Variants in CDC16 observed in about 807,000 individuals in gnomAD.
CDC16 encodes the protein cell division cycle protein 16 homolog.
A neutral mutation model predicts 87.0 loss-of-function variants in CDC16; 34 were observed. The ratio of observed to expected loss-of-function variants is 0.39; its 90% confidence interval spans 0.30 to 0.52. The LOEUF is 0.52. Among genes scored for constraint, CDC16 ranks in the 20% least tolerant of loss-of-function variants. The pLI is 0.74. For missense variants in CDC16, 653 were observed against 751.9 expected, an observed-to-expected ratio of 0.87 and a Z score of 1.54; for synonymous variants, 263 against 260.6, an observed-to-expected ratio of 1.01 and a Z score of -0.09.
At chr13:114,268,644 TAAAG>T (rs1206750181) in intron 17 of CDC16, among the ~76,000 whole-genome samples, 1 of 152,006 alleles carries the variant, frequency 6.6e-6, no homozygotes, top group Non-Finnish European at 1.5e-5. Flanking sequence ...AAGAAGCAAA[TAAAG>T]GCCCTCAGGG....
At chr13:114,266,763 T>G (rs1170907091) in intron 17 of CDC16, among the ~76,000 whole-genome samples, 2 of 152,032 alleles carry the variant, frequency 1.3e-5, no homozygotes, top group Non-Finnish European at 2.9e-5. Flanking sequence ...GCAGGATCTC[T>G]GCTCACTGCA....
intron 3 of CDC16, among the ~76,000 whole-genome samples, chr13:114,237,987 TC>T (rs2081339213): frequency 6.6e-6 from 1 of 152,216 alleles, no homozygotes; most frequent in Non-Finnish European, 1.5e-5. Flanking sequence ...CCTTGTTTTC[TC>T]TCCACTCTGC....
chr13:114,264,941 T>G (rs1311893117), intron 16 of CDC16: 1 of 469,780 alleles, frequency 2.1e-6, no homozygotes, highest in Non-Finnish European at 3.9e-6. Context: ...TTTTTTGGGG[T>G]AGATTTCCAG....
intron 12 of CDC16, among the ~76,000 whole-genome samples, chr13:114,255,012 C>G (rs962724860): frequency 1.3e-5 from 2 of 152,208 alleles, no homozygotes; most frequent in Non-Finnish European, 2.9e-5. Flanking sequence ...ATAACTCTTT[C>G]AACCAATCAG....
At chr13:114,236,542 A>G (rs2081258716) in intron 1 of CDC16, 103 bp from the exon 2 acceptor site, 1 of 932,866 alleles carries the variant, frequency 1.1e-6, no homozygotes, top group Non-Finnish European at 1.4e-6. Flanking sequence ...ATTACATAGA[A>G]TTATATTAAT....
At chr13:114,255,413 A>G (rs926812530) in intron 12 of CDC16, among the ~76,000 whole-genome samples, 1 of 152,068 alleles carries the variant, frequency 6.6e-6, no homozygotes, top group Non-Finnish European at 1.5e-5. Context: ...TAAACCTTAC[A>G]TTTCTGTATA....
At position 114,244,980 on chromosome 13, in the gene CDC16, T is replaced by C; in HGVS notation, c.847+11T>C. The C allele has an allele frequency of 6.7e-7, 1 of 1,489,328 alleles. No individual in the cohort carries two copies. The highest frequency in any genetic ancestry group is 9.2e-7 in the Non-Finnish European group (1 of 1,081,812). The allele number at this position is 1,489,328 out of a possible 1,614,324, so 92.3% of individuals were successfully genotyped here. On this transcript the variant is annotated intron_variant, in intron 9 of 17. Coordinates refer to ENST00000356221, the MANE Select transcript of CDC16 (RefSeq NM_001078645.3). ...TGAATAAAGCCAATGGTAAGACTTT[T>C]TTTTAAATTAAAGTAATTCTTAGAC...
intron 4 of CDC16, 22 bp from the exon 5 acceptor site, chr13:114,239,328 G>A (rs373719968): frequency 1.3e-5 from 21 of 1,579,208 alleles, no homozygotes; most frequent in African/African-American, 5.4e-5. Flanking sequence ...AGTGATGAGC[G>A]GCACTTCTGT....
At chr13:114,239,270 T>C in intron 4 of CDC16, 80 bp from the exon 5 acceptor site, 4 of 1,531,582 alleles carry the variant, frequency 2.6e-6, no homozygotes, top group African/African-American at 1.4e-5. Context: ...GCATAGTATA[T>C]GTTATCCTTT....
In CDC16 at chr13:114,259,494, A is replaced by G. The variant is rs191610629; in HGVS notation, c.1314+96A>G. On this transcript the variant is annotated intron_variant, in intron 14 of 17. Transcript: ENST00000356221. ...ACACAGAAATCTCTTGCCTTCGAAGATAGTAACCTGATATTTTCATAACAA... is the reference window on the plus strand; with the variant it reads ...ACACAGAAATCTCTTGCCTTCGAAGGTAGTAACCTGATATTTTCATAACAA... 21 of 639,166 alleles carry G rather than the reference A, an allele frequency of 3.3e-5. No homozygotes were observed. The East Asian group carries it at 5.9e-4, about 18-fold the overall frequency. 39.6% of individuals were successfully genotyped at this position (639,166 alleles called of 1,614,324 possible).
intron 12 of CDC16, among the ~76,000 whole-genome samples, chr13:114,253,077 G>T (rs60243888): frequency 0.015 from 2,269 of 152,222 alleles, 70 homozygotes; most frequent in African/African-American, 0.052. Context: ...TCCAGCCTGG[G>T]TGACCAGTTG....
At position 114,245,261 on chromosome 13, in the gene CDC16, C is replaced by T. The variant is rs541468364; in HGVS notation, c.847+292C>T. Among the ~76,000 whole-genome samples the T allele has an allele frequency of 4.0e-5, 6 of 148,636 alleles. No homozygotes were observed. In the East Asian group the frequency reaches 5.9e-4, roughly 15 times the overall value. ...TTAAATTGTTGGGTGTCAGTTCTGC[C>T]TCCCCCCCCCTTTTTTTTTTTTGTA... On this transcript the variant is annotated intron_variant, in intron 9 of 17. Coordinates refer to ENST00000356221, the MANE Select transcript of CDC16 (RefSeq NM_001078645.3).
intron 13 of CDC16, among the ~76,000 whole-genome samples, chr13:114,258,458 T>TGC (rs1195741717): frequency 6.6e-6 from 1 of 152,220 alleles, no homozygotes; most frequent in East Asian, 1.9e-4. Flanking sequence ...TTTTTGTGCT[T>TGC]TTTGTTGATG....
chr13:114,259,174 G>T (rs144232956), intron 13 of CDC16, among the ~76,000 whole-genome samples, 161 bp from the exon 14 acceptor site: 4 of 150,432 alleles, frequency 2.7e-5, no homozygotes, highest in Non-Finnish European at 5.9e-5. Context: ...TATTAATGCC[G>T]TAAAATTAAT....
chr13:114,272,500 C>T lies in CDC16; in HGVS notation c.*57C>T. 2 of 1,478,456 alleles carry T rather than the reference C, an allele frequency of 1.4e-6. No individual in the cohort carries two copies. The highest frequency in any genetic ancestry group is 9.3e-7 in the Non-Finnish European group (1 of 1,074,634). The allele number at this position is 1,478,456 out of a possible 1,614,324, so 91.6% of individuals were successfully genotyped here. A position where few individuals can be genotyped will look rare whatever the true frequency, so the allele number is the denominator to read the frequency against. On this transcript the variant is annotated 3_prime_UTR_variant, in exon 18 of 18. Coordinates refer to ENST00000356221, the MANE Select transcript of CDC16 (RefSeq NM_001078645.3). ...AGTGTAGGTTAGTATTCCTTCACAT[C>T]CTCTCCATGGCTTAAGAATGTCCCA...
At chr13:114,257,910 C>T (rs375090596) in intron 13 of CDC16, among the ~76,000 whole-genome samples, 658 of 152,210 alleles carry the variant, frequency 4.3e-3, no homozygotes, top group Non-Finnish European at 6.2e-3. Flanking sequence ...CCTCAGCCTC[C>T]TGAGTAGCTG....
At position 114,243,343 on chromosome 13, in the gene CDC16, A is replaced by G; in HGVS notation, c.628A>G (p.Lys210Glu). Residue 210 changes from lysine to glutamate, a missense_variant, in exon 7 of 18, where the codon AAA becomes GAA. Coordinates refer to ENST00000356221, the MANE Select transcript of CDC16 (RefSeq NM_001078645.3). ...GCGTTTTCTATTTGAGAACAAATTG[A>G]AAAAAGTAAGTAAAACCAAAGAGTT... ...LLRFLFENKL[K>E]KYNKPSETVI... 6.6e-7 allele frequency: 1 copy of G among 1,517,246 alleles called. No homozygotes were observed. Among genetic ancestry groups the G allele is most frequent in the Non-Finnish European group, 9.2e-7 (1 of 1,092,346 alleles). 94.0% of individuals were successfully genotyped at this position (1,517,246 alleles called of 1,614,324 possible).
chr13:114,242,609 T>G, intron 6 of CDC16: 1 of 224,862 alleles, frequency 4.4e-6, no homozygotes, highest in Non-Finnish European at 8.7e-6. Flanking sequence ...AACATCCATG[T>G]CCAGTTCCCA....
At chr13:114,251,662 T>A (rs1204759522) in intron 12 of CDC16, among the ~76,000 whole-genome samples, 2 of 152,222 alleles carry the variant, frequency 1.3e-5, no homozygotes, top group Non-Finnish European at 2.9e-5. Flanking sequence ...TCAGTAGGGC[T>A]GCCATAACAA....
Sources: allele counts gnomAD v4.1 joint callset (sites outside exome capture counted in the v4.1 genomes callset), GRCh38; gene constraint gnomAD v4.1.1; transcripts MANE v1.5; gene names NCBI Gene and HGNC (gene_info 2026-07-23, HGNC 2026-07-21).